The following LARS1 variants were observed in gnomAD, a reference collection of about 807,000 sequenced individuals.
LARS1 encodes the protein leucyl-tRNA synthetase 1.
In LARS1, 100 loss-of-function variants were observed where a neutral mutation model predicts 162.8. That is an observed-to-expected ratio of 0.61 (90% confidence interval 0.52 to 0.73). LARS1 has a LOEUF of 0.73. Ranked by LOEUF, LARS1 falls within the 30% of genes least tolerant of loss-of-function variation. The pLI is 0.00. For missense variants in LARS1, 1,258 were observed against 1,408.9 expected, an observed-to-expected ratio of 0.89 and a Z score of 1.71; for synonymous variants, 457 against 462.8, an observed-to-expected ratio of 0.99 and a Z score of 0.16.
rs1561498355 is a variant in LARS1 at position 146,174,562 on chromosome 5, A to ATATATCCATATATG, written c.126-1789_126-1788insCATATATGGATATA. On this transcript the variant is annotated intron_variant, in intron 2 of 31. Transcript: ENST00000394434. ...TCCATATATGTATATATCCATATATATATATATCCATATATGTATATATCC... is the reference window on the plus strand; with the variant it reads ...TCCATATATGTATATATCCATATATATATATCCATATATGTATATATCCATATATGTATATATCC... Among the ~76,000 whole-genome samples the ATATATCCATATATG allele has an allele frequency of 6.4e-4, 46 of 71,898 alleles. 1 individual carries two copies. The highest frequency in any genetic ancestry group is 1.8e-3 in the African/African-American group (45 of 25,672). The allele number at this position is 71,898 out of a possible 152,430, so 47.2% of individuals were successfully genotyped here.
chr5:146,168,657 C>T (rs573657254), intron 4 of LARS1, among the ~76,000 whole-genome samples: 23 of 152,026 alleles, frequency 1.5e-4, no homozygotes, highest in African/African-American at 5.3e-4. Context: ...TGCACTCTAG[C>T]CTGGGCAACA....
rs1764068490 is a variant in LARS1 at position 146,113,543 on chromosome 5, G to A, written c.*563C>T. 6.6e-6 allele frequency: 1 copy of A among 152,224 alleles called. No homozygotes were observed. The highest frequency in any genetic ancestry group is 6.5e-5 in the Admixed American group (1 of 15,284). The allele number at this position is 152,224 out of a possible 1,614,324, so 9.4% of individuals were successfully genotyped here. A position where few individuals can be genotyped will look rare whatever the true frequency, so the allele number is the denominator to read the frequency against. On this transcript the variant is annotated 3_prime_UTR_variant, in exon 32 of 32. Transcript: ENST00000394434. The stretch of plus-strand genomic sequence containing the variant: ...ATTGGTTCTTAGTTGAATAATTAAA[G>A]CTTTAAAAAGTCTTATAAAATGCAG...
intron 6 of LARS1, among the ~76,000 whole-genome samples, chr5:146,163,070 A>T (rs1167603547): frequency 6.6e-6 from 1 of 152,172 alleles, no homozygotes; most frequent in South Asian, 2.1e-4. Context: ...TGGCCTCCCA[A>T]AATGCTGGGA....
rs1415779092 is a variant in LARS1 at position 146,159,503 on chromosome 5, T to C, written c.708-33A>G. ...ATAAACAAAAAGTGACAAACATTAT[T>C]ATAATATTCACGTTTTATCCTACCA... On this transcript the variant is annotated intron_variant, in intron 7 of 31. Coordinates refer to ENST00000394434, the MANE Select transcript of LARS1 (RefSeq NM_020117.11). 2.7e-6 allele frequency: 4 copies of C among 1,504,740 alleles called. No homozygotes were observed. The South Asian group carries it at 4.5e-5, about 17-fold the overall frequency. The allele number at this position is 1,504,740 out of a possible 1,614,324, so 93.2% of individuals were successfully genotyped here.
chr5:146,154,186 G>C (rs149581581), intron 10 of LARS1, among the ~76,000 whole-genome samples: 79 of 151,840 alleles, frequency 5.2e-4, no homozygotes, highest in African/African-American at 1.6e-3. Flanking sequence ...TTTTTTAAGA[G>C]ACAGAGCCTT....
chr5:146,165,191 G>A (rs1001118732), intron 5 of LARS1, among the ~76,000 whole-genome samples: 5 of 151,962 alleles, frequency 3.3e-5, no homozygotes, highest in South Asian at 2.1e-4. Flanking sequence ...AAAATTAGCC[G>A]GGCATGGTGG....
At chr5:146,180,482 C>T (rs903835884) in intron 1 of LARS1, among the ~76,000 whole-genome samples, 2 of 151,504 alleles carry the variant, frequency 1.3e-5, no homozygotes, top group Non-Finnish European at 2.9e-5. Context: ...GCACTCCAGC[C>T]TGGGAAAGAA....
chr5:146,130,691 G>A (rs772445050), intron 24 of LARS1: 3 of 204,178 alleles, frequency 1.5e-5, no homozygotes, highest in Non-Finnish European at 2.9e-5. Flanking sequence ...CAAATTAATG[G>A]CAATTAATTA....
rs546127976 is a variant in LARS1 at position 146,165,607 on chromosome 5, G to C, written c.433-1136C>G. Among the ~76,000 whole-genome samples the C allele has an allele frequency of 1.3e-4, 20 of 152,182 alleles. No homozygotes were observed. The Middle Eastern group carries it at 0.01, about 78-fold the overall frequency. Reference sequence around the variant, plus strand: ...TTCAACCACGATGCTGAAGGAACCTGAGGAATGCAGACTGTGACAAATCTA... The same window carrying C: ...TTCAACCACGATGCTGAAGGAACCTCAGGAATGCAGACTGTGACAAATCTA... On this transcript the variant is annotated intron_variant, in intron 5 of 31. Coordinates refer to ENST00000394434, the MANE Select transcript of LARS1 (RefSeq NM_020117.11).
At chr5:146,128,650 A>T (rs931871610) in intron 27 of LARS1, 22 bp downstream of exon 27, 9 of 1,476,610 alleles carry the variant, frequency 6.1e-6, no homozygotes, top group Non-Finnish European at 9.1e-7. Context: ...ATCAGGGGGG[A>T]AAAGTCTACT....
chr5:146,143,673 T>A, intron 18 of LARS1, 123 bp from the exon 19 acceptor site: 5 of 853,176 alleles, frequency 5.9e-6, no homozygotes, highest in Middle Eastern at 3.5e-4. Context: ...TAAATTATTC[T>A]TGAATAATTA....
chr5:146,144,366 G>T lies in LARS1; in HGVS notation c.1656-17C>A. 1 of 1,606,714 alleles carries T rather than the reference G, an allele frequency of 6.2e-7. No individual in the cohort carries two copies. The highest frequency in any genetic ancestry group is 1.1e-5 in the South Asian group (1 of 89,708). ...TCACAGAATCTAGAAAAGAGCAAAA[G>T]ACAAAGTGTATCTTTACTGGTTCAC... On this transcript the variant is annotated splice_polypyrimidine_tract_variant and intron_variant, in intron 17 of 31. Coordinates refer to ENST00000394434, the MANE Select transcript of LARS1 (RefSeq NM_020117.11).
chr5:146,172,662 T>C, intron 3 of LARS1, 25 bp downstream of exon 3: 1 of 1,382,800 alleles, frequency 7.2e-7, no homozygotes, highest in Non-Finnish European at 1.0e-6. Context: ...TCCTCCCCAT[T>C]ATAGCAAACA....
chr5:146,160,769 T>C (rs1477407688), intron 6 of LARS1, among the ~76,000 whole-genome samples: 1 of 152,204 alleles, frequency 6.6e-6, no homozygotes, highest in Non-Finnish European at 1.5e-5. Context: ...ATATTCAAGT[T>C]AAACTTGGGC....
At chr5:146,152,090 T>C in intron 13 of LARS1, 88 bp from the exon 14 acceptor site, 4 of 1,389,152 alleles carry the variant, frequency 2.9e-6, no homozygotes, top group Non-Finnish European at 4.0e-6. Flanking sequence ...TAATGTCCAA[T>C]TAAGTCATTT....
At chr5:146,136,059 TATG>T (rs1196362201) in intron 21 of LARS1, among the ~76,000 whole-genome samples, 1 of 152,230 alleles carries the variant, frequency 6.6e-6, no homozygotes, top group African/African-American at 2.4e-5. Context: ...AGGTTGGAGT[TATG>T]ATTTTAGGAA....
chr5:146,144,270 G>C lies in LARS1; in HGVS notation c.1735C>G (p.Leu579Val), dbSNP rs777568138. ...QEHACSRTYGLGTHLPWDEQW... is the reference protein window; with the variant it reads ...QEHACSRTYGVGTHLPWDEQW... The stretch of plus-strand genomic sequence containing the variant: ...GAAAAATTTCAAGTTTGTTTACCTA[G>C]ACCATAAGTTCTTGAGCAAGCATGT... The change falls in exon 18 of 32, where the codon CTA becomes GTA. Residue 579 changes from leucine to valine, a missense_variant. By Grantham distance (32) the Leu-to-Val change is conservative. Coordinates refer to ENST00000394434, the MANE Select transcript of LARS1 (RefSeq NM_020117.11). 6.2e-7 allele frequency: 1 copy of C among 1,605,210 alleles called. No individual in the cohort carries two copies. The highest frequency in any genetic ancestry group is 8.5e-7 in the Non-Finnish European group (1 of 1,177,406).
intron 2 of LARS1, among the ~76,000 whole-genome samples, chr5:146,173,200 C>T (rs1464394767): frequency 2.6e-5 from 4 of 151,830 alleles, no homozygotes; most frequent in Admixed American, 6.6e-5. Context: ...ACTAGCCGGG[C>T]GTGATGGCGT....
In LARS1 at chr5:146,123,776, T is replaced by C. The variant is rs534796291; in HGVS notation, c.3096+206A>G. On this transcript the variant is annotated intron_variant, in intron 29 of 31. Transcript: ENST00000394434. Reference sequence around the variant, plus strand: ...TGATTATATGTAAATTAAGAATTGATGAAATAAGATGACATATCACTTTTT... The same window carrying C: ...TGATTATATGTAAATTAAGAATTGACGAAATAAGATGACATATCACTTTTT... Among the ~76,000 whole-genome samples the C allele has an allele frequency of 1.4e-3, 218 of 151,900 alleles. 2 individuals carry two copies. Among genetic ancestry groups the C allele is most frequent in the African/African-American group, 5.0e-3 (206 of 41,482 alleles).
Sources: gnomAD v4.1 joint callset for allele counts (sites outside exome capture counted in the v4.1 genomes callset) on GRCh38, gnomAD v4.1.1 for gene constraint, MANE v1.5 for transcripts, NCBI Gene and HGNC (gene_info 2026-07-23, HGNC 2026-07-21) for gene names.